DOK6: variants seen among roughly 807,000 people sequenced by gnomAD.
DOK6 encodes the protein docking protein 6.
A neutral mutation model predicts 44.0 loss-of-function variants in DOK6; 22 were observed. The observed-to-expected ratio is 0.50, with a 90% CI of 0.36 to 0.71. The LOEUF (loss-of-function observed/expected upper bound fraction) is 0.71, where lower values mean the gene tolerates loss of function less well. DOK6 is among the 30% of genes least tolerant of loss of function. The pLI is 0.00. For synonymous variants in DOK6, 166 were observed against 145.5 expected (o/e 1.14, Z -1.01); for missense variants, 340 against 416.4 (o/e 0.82, Z 1.60).
chr18:69,664,960 C>T lies in DOK6; in HGVS notation c.290-12774C>T, dbSNP rs1170107022. On this transcript the variant is annotated intron_variant, in intron 3 of 7. Transcript: ENST00000382713. ...TTGGGGGGCCAAGGTGGGTGGGTCA[C>T]GAGGTCAGGAGTTTGAGACCAGCCT... Among the ~76,000 whole-genome samples the T allele has an allele frequency of 2.0e-5, 3 of 152,156 alleles. No individual in the cohort carries two copies. The East Asian group carries it at 5.8e-4, about 29-fold the overall frequency.
intron 1 of DOK6, among the ~76,000 whole-genome samples, chr18:69,480,987 A>G (rs1052599710): frequency 5.9e-5 from 9 of 152,150 alleles, no homozygotes; most frequent in Non-Finnish European, 1.3e-4. Context: ...GTGAGAGTGA[A>G]GGAAAGAGAT....
intron 7 of DOK6, among the ~76,000 whole-genome samples, chr18:69,811,721 AC>A (rs1165287084): frequency 2.0e-5 from 3 of 151,736 alleles, no homozygotes; most frequent in African/African-American, 7.3e-5. Flanking sequence ...TGTTTTGCAA[AC>A]CCTTTGGGTG....
chr18:69,489,673 C>T (rs969473209), intron 1 of DOK6, among the ~76,000 whole-genome samples: 3 of 152,112 alleles, frequency 2.0e-5, no homozygotes, highest in South Asian at 2.1e-4. Flanking sequence ...ATAAAATTTA[C>T]ATTTGTAGGT....
intron 5 of DOK6, among the ~76,000 whole-genome samples, chr18:69,709,875 T>A (rs1010958890): frequency 1.2e-4 from 18 of 152,208 alleles, no homozygotes; most frequent in African/African-American, 3.9e-4. Context: ...CTTGATTTTT[T>A]AAAAAATTAT....
intron 2 of DOK6, among the ~76,000 whole-genome samples, chr18:69,585,219 T>G (rs1015854197): frequency 1.3e-5 from 2 of 151,966 alleles, no homozygotes; most frequent in Non-Finnish European, 2.9e-5. Flanking sequence ...AAACTCTACA[T>G]GTTTTGTAAT....
At chr18:69,707,969 A>T (rs980029261) in intron 5 of DOK6, among the ~76,000 whole-genome samples, 5 of 151,842 alleles carry the variant, frequency 3.3e-5, no homozygotes, top group African/African-American at 1.2e-4. Flanking sequence ...GGGTCAGGTT[A>T]CTCTCCACGA....
intron 3 of DOK6, among the ~76,000 whole-genome samples, chr18:69,630,701 A>G (rs1018409855): frequency 6.6e-6 from 1 of 152,212 alleles, no homozygotes; most frequent in Non-Finnish European, 1.5e-5. Flanking sequence ...TCAAAGCCCC[A>G]GGCATTAGTT....
At chr18:69,540,365 C>T (rs1982236574) in intron 1 of DOK6, among the ~76,000 whole-genome samples, 1 of 152,036 alleles carries the variant, frequency 6.6e-6, no homozygotes, top group African/African-American at 2.4e-5. Context: ...ATTTGGTCTC[C>T]CCCACCATTG....
chr18:69,570,898 T>C (rs1315527906), intron 2 of DOK6, among the ~76,000 whole-genome samples: 3 of 152,116 alleles, frequency 2.0e-5, no homozygotes, highest in African/African-American at 7.2e-5. Context: ...TTCCTTCAGA[T>C]CTATACTCCA....
At chr18:69,444,231 G>C (rs560361801) in intron 1 of DOK6, among the ~76,000 whole-genome samples, 6 of 152,250 alleles carry the variant, frequency 3.9e-5, no homozygotes, top group African/African-American at 1.4e-4. Context: ...GTTTTGGAGA[G>C]CACGGCACTC....
At chr18:69,590,910 G>C (rs1335998244) in intron 2 of DOK6, among the ~76,000 whole-genome samples, 5 of 152,116 alleles carry the variant, frequency 3.3e-5, no homozygotes, top group Admixed American at 2.0e-4. Context: ...GTTATACATG[G>C]AAAAGTGGAT....
intron 2 of DOK6, among the ~76,000 whole-genome samples, chr18:69,584,448 G>C (rs905440778): frequency 3.3e-5 from 5 of 151,948 alleles, no homozygotes; most frequent in African/African-American, 1.2e-4. Context: ...GTGGCCACCA[G>C]CCCGGCTAAC....
intron 1 of DOK6, among the ~76,000 whole-genome samples, chr18:69,526,234 C>T (rs1183239098): frequency 6.6e-6 from 1 of 152,080 alleles, no homozygotes; most frequent in Non-Finnish European, 1.5e-5. Context: ...AGTCATTCTC[C>T]ATTTCTCCTC....
intron 2 of DOK6, among the ~76,000 whole-genome samples, chr18:69,586,874 G>C (rs1340524776): frequency 6.6e-6 from 1 of 152,052 alleles, no homozygotes; most frequent in African/African-American, 2.4e-5. Context: ...CTCTGGGGGA[G>C]GCACATTAGA....
chr18:69,544,715 G>A (rs184729739), intron 1 of DOK6, among the ~76,000 whole-genome samples: 24 of 151,530 alleles, frequency 1.6e-4, no homozygotes, highest in African/African-American at 5.3e-4. Context: ...TGAACTGCTC[G>A]TACATAGAAA....
chr18:69,479,597 C>G (rs1980362550), intron 1 of DOK6, among the ~76,000 whole-genome samples: 1 of 151,984 alleles, frequency 6.6e-6, no homozygotes, highest in Admixed American at 6.6e-5. Flanking sequence ...TGAAAGGAAC[C>G]AATTCATTAA....
At chr18:69,825,504 C>T (rs991653118) in intron 7 of DOK6, among the ~76,000 whole-genome samples, 39 of 136,998 alleles carry the variant, frequency 2.8e-4, no homozygotes, top group African/African-American at 9.9e-4. Context: ...GGCACGATCT[C>T]GGCTCACTGC....
intron 1 of DOK6, among the ~76,000 whole-genome samples, chr18:69,533,885 A>G (rs79673014): frequency 0.03 from 4,570 of 152,252 alleles, 83 homozygotes; most frequent in Middle Eastern, 0.048. Context: ...TTCTCTAAAG[A>G]AAAGCTTTTC....
chr18:69,707,294 C>G (rs1291485417), intron 5 of DOK6, among the ~76,000 whole-genome samples: 1 of 152,218 alleles, frequency 6.6e-6, no homozygotes, highest in Non-Finnish European at 1.5e-5. Context: ...CCATCCCCAT[C>G]AAGCTACCAA....
Sources: gnomAD v4.1 joint callset for allele counts (sites outside exome capture counted in the v4.1 genomes callset) on GRCh38, gnomAD v4.1.1 for gene constraint, MANE v1.5 for transcripts, NCBI Gene and HGNC (gene_info 2026-07-23, HGNC 2026-07-21) for gene names.